Variants in NABP2 observed in about 807,000 individuals in gnomAD.
The protein encoded by NABP2 is SOSS complex subunit B1.
A neutral mutation model predicts 22.7 loss-of-function variants in NABP2; 7 were observed. The observed-to-expected ratio is 0.31, with a 90% CI of 0.18 to 0.58. The LOEUF (loss-of-function observed/expected upper bound fraction) is 0.58, where lower values mean the gene tolerates loss of function less well. Among genes scored for constraint, NABP2 ranks in the 20% least tolerant of loss-of-function variants. The pLI, the probability that NABP2 is intolerant of heterozygous loss-of-function variation, is 0.89. For missense variants in NABP2, 188 were observed against 265.9 expected (o/e 0.71, Z 2.04); for synonymous variants, 107 against 99.2 (o/e 1.08, Z -0.47).
chr12:56,229,087 T>TGGCCCGCCCC lies in NABP2; in HGVS notation c.510_511insGGCCCGCCCC (p.Pro171GlyfsTer33). The TGGCCCGCCCC allele has an allele frequency of 2.0e-6, 3 of 1,512,342 alleles. No homozygotes were observed. Among genetic ancestry groups the TGGCCCGCCCC allele is most frequent in the Non-Finnish European group, 2.7e-6 (3 of 1,102,012 alleles). 93.7% of individuals were successfully genotyped at this position (1,512,342 alleles called of 1,614,324 possible). On this transcript the variant is annotated frameshift_variant, in exon 7 of 7. Coordinates refer to ENST00000267023, the MANE Select transcript of NABP2 (RefSeq NM_024068.4). LOFTEE classifies it high-confidence loss of function. ...GTGGTGGCCCACATCCCCCTCATAC[T>TGGCCCGCCCC]CCCTCCCACCCACCCAGCACCCGAA... is the stretch of plus-strand genomic sequence containing the variant.
At chr12:56,222,490 C>G (rs921870765), upstream of NABP2, among the ~76,000 whole-genome samples, 1 of 152,256 alleles carries the variant, frequency 6.6e-6, no homozygotes, top group Admixed American at 6.5e-5. Context: ...GATGGCTCCC[C>G]GAACACTTGT....
In NABP2 at chr12:56,224,890, C is replaced by A; in HGVS notation, c.34C>A (p.Pro12Thr). Reference protein sequence around the residue: ...TTETFVKDIKPGLKNLNLIFI... With the variant: ...TTETFVKDIKTGLKNLNLIFI... ...GGAGACCTTTGTGAAGGATATCAAG[C>A]CTGGGCTCAAGAATCTGAACCTTAT... is the stretch of plus-strand genomic sequence containing the variant. Residue 12 changes from proline to threonine, a missense_variant, in exon 2 of 7, where the codon CCT (proline) becomes ACT (threonine). Transcript: ENST00000267023. The A allele has an allele frequency of 6.2e-7, 1 of 1,613,716 alleles. No individual in the cohort carries two copies. The highest frequency in any genetic ancestry group is 8.5e-7 in the Non-Finnish European group (1 of 1,179,902).
rs181076602 is a variant in NABP2 at position 56,225,999 on chromosome 12, G to A, written c.291-180G>A. 7.9e-5 allele frequency among the ~76,000 whole-genome samples: 12 copies of A among 151,980 alleles called. No individual in the cohort carries two copies. The East Asian group carries it at 1.9e-3, about 25-fold the overall frequency. On this transcript the variant is annotated intron_variant, in intron 4 of 6. Coordinates refer to ENST00000267023, the MANE Select transcript of NABP2 (RefSeq NM_024068.4). ...GTATTTTTTATAGGGATGGGGTTTC[G>A]CCATGTTGCCCAGGCTGGTCCCAAA...
Position 56,229,087 on chromosome 12 carries a change from T to TGGCGGCCCCC in NABP2, c.510_511insGGCGGCCCCC (p.Pro171GlyfsTer33). ...GTGGTGGCCCACATCCCCCTCATAC[T>TGGCGGCCCCC]CCCTCCCACCCACCCAGCACCCGAA... On this transcript the variant is annotated frameshift_variant, in exon 7 of 7. Transcript: ENST00000267023. LOFTEE classifies it high-confidence loss of function. 6.6e-7 allele frequency: 1 copy of TGGCGGCCCCC among 1,512,342 alleles called. No individual in the cohort carries two copies. The highest frequency in any genetic ancestry group is 9.1e-7 in the Non-Finnish European group (1 of 1,102,010). 93.7% of individuals were successfully genotyped at this position (1,512,342 alleles called of 1,614,324 possible). A position where few individuals can be genotyped will look rare whatever the true frequency, so the allele number is the denominator to read the frequency against.
chr12:56,228,758 T>C (rs975356721), intron 6 of NABP2, among the ~76,000 whole-genome samples: 6 of 152,108 alleles, frequency 3.9e-5, no homozygotes, highest in African/African-American at 9.7e-5. Context: ...TGATTCCCAA[T>C]AATAGTGAGA....
At chr12:56,222,290 C>A (rs1869524914), upstream of NABP2, 1 of 152,258 alleles carries the variant, frequency 6.6e-6, no homozygotes, top group African/African-American at 2.4e-5. Flanking sequence ...TCCGGCCCCT[C>A]TCCCTTTTCC....
intron 6 of NABP2, among the ~76,000 whole-genome samples, chr12:56,227,431 G>T (rs939586210): frequency 2.8e-4 from 42 of 151,160 alleles, no homozygotes; most frequent in Non-Finnish European, 5.0e-4. Flanking sequence ...AGGGTTCATA[G>T]TCCCTACTGT....
intron 6 of NABP2, among the ~76,000 whole-genome samples, chr12:56,227,095 C>T (rs1317578554): frequency 2.7e-5 from 4 of 150,748 alleles, no homozygotes; most frequent in Non-Finnish European, 5.9e-5. Flanking sequence ...ACTAGACTGG[C>T]TGGGCGCAGT....
At chr12:56,227,829 A>T (rs865934652) in intron 6 of NABP2, among the ~76,000 whole-genome samples, 34 of 152,320 alleles carry the variant, frequency 2.2e-4, no homozygotes, top group Admixed American at 5.2e-4. Context: ...AGTAAAAATT[A>T]AAAAATAAAT....
At chr12:56,224,304 C>A, upstream of NABP2, 1 of 986,544 alleles carries the variant, frequency 1.0e-6, no homozygotes, top group Non-Finnish European at 1.2e-6. Context: ...GCTGATTGGC[C>A]GGAGGAGGCC....
intron 2 of NABP2, among the ~76,000 whole-genome samples, 160 bp downstream of exon 2, chr12:56,225,095 G>T (rs558420111): frequency 6.6e-6 from 1 of 152,170 alleles, no homozygotes; most frequent in Admixed American, 6.5e-5. Context: ...TTGCAGTCAG[G>T]TATAGGGTAG....
At chr12:56,222,961 C>T (rs1396702673), upstream of NABP2, among the ~76,000 whole-genome samples, 1 of 152,030 alleles carries the variant, frequency 6.6e-6, no homozygotes, top group Non-Finnish European at 1.5e-5. Flanking sequence ...TATGGCCGGG[C>T]GCGGTGGTTC....
rs1336514573 is a variant in NABP2 at position 56,225,503 on chromosome 12, C to T, written c.210C>T (p.Leu70=). ...NLIQPGDIIR[L]TKGYASVFKG... ...TCCAGCCTGGGGACATTATCCGGCT[C>T]ACCAAAGGGTAAGTCAGCTGGTGAC... The change falls in exon 3 of 7, where the codon CTC becomes CTT. Residue 70 remains leucine (L), a synonymous_variant. Coordinates refer to ENST00000267023, the MANE Select transcript of NABP2 (RefSeq NM_024068.4). 4.3e-6 allele frequency: 7 copies of T among 1,614,230 alleles called. No individual in the cohort carries two copies. The highest frequency in any genetic ancestry group is 1.6e-4 in the Middle Eastern group (1 of 6,062).
Position 56,226,481 on chromosome 12 carries a change from A to G in NABP2, c.436+62A>G, listed in dbSNP as rs1869770981. On this transcript the variant is annotated intron_variant, in intron 6 of 6. Transcript: ENST00000267023. ...CTCTCCCACTCTCCTCAGCCTAGAA[A>G]GATGCATTTCCCTCATTCCTTTTCC... is the stretch of plus-strand genomic sequence containing the variant. 4.9e-6 allele frequency: 7 copies of G among 1,439,916 alleles called. No homozygotes were observed. The Admixed American group carries it at 1.0e-4, about 21-fold the overall frequency. The allele number at this position is 1,439,916 out of a possible 1,614,324, so 89.2% of individuals were successfully genotyped here.
intron 6 of NABP2, 84 bp from the exon 7 acceptor site, chr12:56,228,930 T>C (rs1360941940): frequency 2.3e-6 from 3 of 1,294,260 alleles, no homozygotes; most frequent in Non-Finnish European, 3.3e-6. Context: ...ACTGTGCCAC[T>C]CTTTGGGGCA....
In NABP2 at chr12:56,229,367, T is replaced by C; in HGVS notation, c.*154T>C. The C allele has an allele frequency of 1.4e-6, 1 of 720,884 alleles. No individual in the cohort carries two copies. The highest frequency in any genetic ancestry group is 2.3e-6 in the Non-Finnish European group (1 of 435,454). The allele number at this position is 720,884 out of a possible 1,614,324, so 44.7% of individuals were successfully genotyped here. On this transcript the variant is annotated 3_prime_UTR_variant, in exon 7 of 7. Coordinates refer to ENST00000267023, the MANE Select transcript of NABP2 (RefSeq NM_024068.4). ...GTCCTTATCCACCCTAATCTCATAC[T>C]CCCTCATTGTCCAGCTGAACTACCT...
At chr12:56,224,974 CG>C in intron 2 of NABP2, 39 bp downstream of exon 2, 3 of 863,602 alleles carry the variant, frequency 3.5e-6, no homozygotes, top group Non-Finnish European at 1.8e-6. Context: ...GGATGGGGGT[CG>C]GGGGCAGGAG....
At chr12:56,227,373 CAAA>C (rs35370619) in intron 6 of NABP2, among the ~76,000 whole-genome samples, 2 of 104,140 alleles carry the variant, frequency 1.9e-5, no homozygotes, top group Admixed American at 1.1e-4. Context: ...GACTCTTTCT[CAAA>C]AAAAAAAAAA....
chr12:56,222,354 A>T (rs974190317), upstream of NABP2, among the ~76,000 whole-genome samples: 2 of 152,156 alleles, frequency 1.3e-5, no homozygotes, highest in African/African-American at 2.4e-5. Context: ...CTGTCATGGG[A>T]ATGGATATTG....
Sources: allele counts gnomAD v4.1 joint callset (sites outside exome capture counted in the v4.1 genomes callset), GRCh38; gene constraint gnomAD v4.1.1; transcripts MANE v1.5; gene names NCBI Gene and HGNC (gene_info 2026-07-23, HGNC 2026-07-21).